CTNNBL1: variants seen among roughly 807,000 people sequenced by gnomAD.
The protein encoded by CTNNBL1 is catenin beta like 1.
CTNNBL1 carries 31 observed loss-of-function variants against 72.7 expected under a neutral mutation model. The observed-to-expected ratio is 0.43, with a 90% CI of 0.32 to 0.58. CTNNBL1 has a LOEUF of 0.58. Among genes scored for constraint, CTNNBL1 ranks in the 20% least tolerant of loss-of-function variants. The pLI, the probability that CTNNBL1 is intolerant of heterozygous loss-of-function variation, is 0.08. For missense variants in CTNNBL1, 534 were observed against 725.1 expected (o/e 0.74, Z 3.03); for synonymous variants, 240 against 267.3 (o/e 0.90, Z 1.00).
intron 11 of CTNNBL1, among the ~76,000 whole-genome samples, chr20:37,837,924 TAAAC>T (rs2072269185): frequency 2.0e-5 from 1 of 49,354 alleles, no homozygotes; most frequent in Non-Finnish European, 4.1e-5. Flanking sequence ...ACAAAACAAA[TAAAC>T]AAAATACAGT....
At chr20:37,755,058 C>T (rs1464269710) in intron 4 of CTNNBL1, among the ~76,000 whole-genome samples, 6 of 152,062 alleles carry the variant, frequency 3.9e-5, no homozygotes, top group East Asian at 1.9e-4. Context: ...CCGCCCACCT[C>T]GGCCTCCCAA....
chr20:37,740,549 C>T (rs993711820), intron 3 of CTNNBL1, among the ~76,000 whole-genome samples: 1 of 152,166 alleles, frequency 6.6e-6, no homozygotes, highest in African/African-American at 2.4e-5. Context: ...CCTAGAAAGT[C>T]CTTTAATAGT....
chr20:37,700,928 C>T (rs570119670), intron 1 of CTNNBL1, among the ~76,000 whole-genome samples: 1 of 152,282 alleles, frequency 6.6e-6, no homozygotes, highest in East Asian at 1.9e-4. Flanking sequence ...ATTGCAGGAG[C>T]TTACAGAAAT....
intron 10 of CTNNBL1, among the ~76,000 whole-genome samples, chr20:37,782,084 G>A (rs2073630564): frequency 6.6e-6 from 1 of 152,046 alleles, no homozygotes; most frequent in Non-Finnish European, 1.5e-5. Context: ...AAGTATCTAG[G>A]AGAATTCTAC....
intron 1 of CTNNBL1, among the ~76,000 whole-genome samples, chr20:37,713,104 G>C (rs928402260): frequency 4.6e-5 from 7 of 152,286 alleles, no homozygotes; most frequent in Admixed American, 3.9e-4. Flanking sequence ...ACAGAAATTC[G>C]TAAGCTTCAG....
intron 11 of CTNNBL1, 90 bp downstream of exon 11, chr20:37,803,138 G>A: frequency 8.9e-7 from 1 of 1,125,458 alleles, no homozygotes; most frequent in Non-Finnish European, 1.3e-6. Flanking sequence ...GACGTGTTTG[G>A]GGGATAGAGG....
chr20:37,699,892 T>C (rs2072825208), intron 1 of CTNNBL1, among the ~76,000 whole-genome samples: 3 of 152,258 alleles, frequency 2.0e-5, no homozygotes. Context: ...TTTTTGAGCT[T>C]AAGTTGTACT....
chr20:37,785,624 A>G (rs1412516458), intron 10 of CTNNBL1, among the ~76,000 whole-genome samples: 1 of 152,188 alleles, frequency 6.6e-6, no homozygotes, highest in Non-Finnish European at 1.5e-5. Context: ...CGTAAAATGT[A>G]ATAGGATTTT....
At chr20:37,700,522 G>C (rs1007939461) in intron 1 of CTNNBL1, among the ~76,000 whole-genome samples, 1 of 152,152 alleles carries the variant, frequency 6.6e-6, no homozygotes, top group African/African-American at 2.4e-5. Flanking sequence ...CATTTGAGAA[G>C]ACAGGAGAAT....
intron 10 of CTNNBL1, among the ~76,000 whole-genome samples, chr20:37,797,184 C>G (rs993945874): frequency 4.6e-5 from 7 of 152,114 alleles, no homozygotes; most frequent in Non-Finnish European, 1.0e-4. Flanking sequence ...CTGTCTAATT[C>G]ATAGAAATCC....
chr20:37,702,469 C>A (rs960458271), intron 1 of CTNNBL1, among the ~76,000 whole-genome samples: 3 of 152,108 alleles, frequency 2.0e-5, no homozygotes, highest in Admixed American at 6.5e-5. Context: ...AAGGCCTCAT[C>A]CCAGTAGCCC....
intron 1 of CTNNBL1, among the ~76,000 whole-genome samples, chr20:37,697,763 C>A (rs1012908296): frequency 6.4e-4 from 98 of 152,094 alleles, no homozygotes; most frequent in African/African-American, 2.3e-3. Context: ...CACATCTTAC[C>A]ACATTTAATC....
At chr20:37,854,654 T>C (rs1466019848) in intron 13 of CTNNBL1, among the ~76,000 whole-genome samples, 1 of 151,404 alleles carries the variant, frequency 6.6e-6, no homozygotes, top group Non-Finnish European at 1.5e-5. Context: ...AGTGGCGTGA[T>C]CTTGGCTCCC....
intron 11 of CTNNBL1, among the ~76,000 whole-genome samples, chr20:37,805,543 CCCA>C (rs2071950785): frequency 6.6e-6 from 1 of 151,624 alleles, no homozygotes; most frequent in African/African-American, 2.4e-5. Context: ...ACTACAGGCG[CCCA>C]CCACCACACC....
At chr20:37,696,431 A>G (rs1239624154) in intron 1 of CTNNBL1, among the ~76,000 whole-genome samples, 1 of 149,710 alleles carries the variant, frequency 6.7e-6, no homozygotes, top group African/African-American at 2.5e-5. Context: ...ATAATGTACA[A>G]TATCTTTTTT....
At chr20:37,757,686 G>A in intron 5 of CTNNBL1, 30 bp downstream of exon 5, 1 of 1,566,274 alleles carries the variant, frequency 6.4e-7, no homozygotes, top group East Asian at 2.2e-5. Context: ...GGGTTTTGCA[G>A]GTTTGTATAA....
At chr20:37,718,346 C>T (rs1341581299) in intron 1 of CTNNBL1, among the ~76,000 whole-genome samples, 1 of 142,626 alleles carries the variant, frequency 7.0e-6, no homozygotes, top group Admixed American at 6.8e-5. Flanking sequence ...CTCCTCACTT[C>T]CCAGTAGGGG....
chr20:37,796,222 G>T (rs1441786481), intron 10 of CTNNBL1, among the ~76,000 whole-genome samples: 1 of 152,134 alleles, frequency 6.6e-6, no homozygotes, highest in East Asian at 1.9e-4. Context: ...GTAGTGATTA[G>T]TTTCCTCACA....
At chr20:37,703,378 T>C (rs1405863827) in intron 1 of CTNNBL1, among the ~76,000 whole-genome samples, 1 of 152,238 alleles carries the variant, frequency 6.6e-6, no homozygotes, top group Non-Finnish European at 1.5e-5. Flanking sequence ...TGTTGAAGAG[T>C]ACTGGTCAGC....
Sources: gnomAD v4.1 joint callset for allele counts (sites outside exome capture counted in the v4.1 genomes callset) on GRCh38, gnomAD v4.1.1 for gene constraint, MANE v1.5 for transcripts, NCBI Gene and HGNC (gene_info 2026-07-23, HGNC 2026-07-21) for gene names.